The following HYDIN variants were observed in gnomAD, a reference collection of about 807,000 sequenced individuals.
The protein encoded by HYDIN is axonemal central pair apparatus protein HYDIN.
In HYDIN, 132 loss-of-function variants were observed where a neutral mutation model predicts 403.9. The observed-to-expected ratio is 0.33, with a 90% CI of 0.28 to 0.38. The LOEUF is 0.38. Ranked by LOEUF, HYDIN falls within the 10% of genes least tolerant of loss-of-function variation. HYDIN has a pLI of 1.00. For synonymous variants in HYDIN, 1,202 were observed against 1,891.7 expected (o/e 0.64, Z 9.46); for missense variants, 2,827 against 5,009.5 (o/e 0.56, Z 13.15).
intron 18 of HYDIN, among the ~76,000 whole-genome samples, chr16:71,047,442 G>T (rs1383430816): frequency 6.6e-6 from 1 of 151,930 alleles, no homozygotes; most frequent in African/African-American, 2.4e-5. Flanking sequence ...AGGTGGGGTT[G>T]GGGGTGGGGG....
intron 62 of HYDIN, among the ~76,000 whole-genome samples, chr16:70,875,290 C>A (rs369728588): frequency 0.016 from 2,484 of 151,590 alleles, 52 homozygotes; most frequent in African/African-American, 0.057. Flanking sequence ...TCTATAAGGG[C>A]CTGCATTGAT....
At chr16:70,960,075 A>G (rs1194164484) in intron 38 of HYDIN, among the ~76,000 whole-genome samples, 1 of 152,122 alleles carries the variant, frequency 6.6e-6, no homozygotes, top group African/African-American at 2.4e-5. Context: ...TCTTGCTGAA[A>G]AGTAGAAAGG....
At chr16:71,139,055 C>T (rs1479937694) in intron 7 of HYDIN, among the ~76,000 whole-genome samples, 1 of 147,030 alleles carries the variant, frequency 6.8e-6, no homozygotes, top group Non-Finnish European at 1.5e-5. Context: ...TTGCACTCTA[C>T]CCTGGGCAAC....
intron 84 of HYDIN, among the ~76,000 whole-genome samples, chr16:70,812,989 G>A (rs1220531287): frequency 6.6e-6 from 1 of 151,556 alleles, no homozygotes; most frequent in African/African-American, 2.4e-5. Context: ...GTCTCGCTCT[G>A]TCACCCAGGC....
chr16:71,175,921 T>C (rs927008234), intron 4 of HYDIN, 180 bp from the exon 5 acceptor site: 2 of 681,758 alleles, frequency 2.9e-6, no homozygotes, highest in African/African-American at 3.6e-5. Flanking sequence ...AAGCACCCAA[T>C]ACCTTCTAGC....
chr16:71,124,261 C>T (rs1043579961), intron 9 of HYDIN, among the ~76,000 whole-genome samples: 27 of 152,246 alleles, frequency 1.8e-4, no homozygotes, highest in Admixed American at 3.3e-4. Flanking sequence ...AGGGACACAA[C>T]CTGCGGCCAC....
chr16:70,921,851 T>G (rs1168447490), intron 45 of HYDIN, among the ~76,000 whole-genome samples: 2 of 152,232 alleles, frequency 1.3e-5, no homozygotes, highest in Non-Finnish European at 2.9e-5. Context: ...TTTTAAAATA[T>G]GTATTTATTT....
chr16:70,925,016 C>G (rs183426067), intron 45 of HYDIN, among the ~76,000 whole-genome samples: 27 of 152,222 alleles, frequency 1.8e-4, no homozygotes, highest in Admixed American at 1.7e-3. Flanking sequence ...CCTGAAATAG[C>G]CCCGCCCTCC....
chr16:71,085,967 C>T (rs1364075350), intron 12 of HYDIN, among the ~76,000 whole-genome samples: 1 of 152,044 alleles, frequency 6.6e-6, no homozygotes, highest in Non-Finnish European at 1.5e-5. Flanking sequence ...CTGCCATTCT[C>T]TAACTTTTAA....
chr16:70,812,421 G>C (rs2035565759), intron 84 of HYDIN, among the ~76,000 whole-genome samples: 1 of 152,182 alleles, frequency 6.6e-6, no homozygotes, highest in Admixed American at 6.5e-5. Context: ...TCTGGGAGCT[G>C]GAGGTTGCAG....
chr16:70,934,660 A>C (rs973176358), intron 45 of HYDIN, among the ~76,000 whole-genome samples: 1 of 151,358 alleles, frequency 6.6e-6, no homozygotes, highest in Non-Finnish European at 1.5e-5. Context: ...TACTAAGCTC[A>C]AGTGATACAC....
At chr16:70,865,448 A>G (rs1178900862) in intron 67 of HYDIN, 1 of 385,804 alleles carries the variant, frequency 2.6e-6, no homozygotes, top group African/African-American at 2.1e-5. Flanking sequence ...GGCCCATGGC[A>G]TCCTTGAGTC....
chr16:71,055,178 C>T (rs2081838401), intron 18 of HYDIN, among the ~76,000 whole-genome samples: 1 of 152,294 alleles, frequency 6.6e-6, no homozygotes, highest in South Asian at 2.1e-4. Context: ...TTAGGCGGTT[C>T]ATTAGCGCAG....
intron 4 of HYDIN, among the ~76,000 whole-genome samples, chr16:71,177,188 G>C (rs1321428182): frequency 2.6e-5 from 4 of 152,176 alleles, no homozygotes; most frequent in Non-Finnish European, 5.9e-5. Flanking sequence ...AAACTCACAC[G>C]TGCCCTTTAC....
chr16:71,056,020 G>C (rs1361918346), intron 18 of HYDIN, among the ~76,000 whole-genome samples: 6 of 152,108 alleles, frequency 3.9e-5, no homozygotes, highest in African/African-American at 7.2e-5. Flanking sequence ...GCTGCTCATA[G>C]GGAGGGGAAA....
Position 71,175,617 on chromosome 16 carries a change from T to C in HYDIN, c.506A>G (p.Glu169Gly). Residue 169 changes from glutamate (E) to glycine (G), a missense_variant, in exon 5 of 86, where the codon GAG becomes GGG. Physicochemically the swap from Glu to Gly is moderately conservative, Grantham distance 98. Transcript: ENST00000393567. ...PSIFRILFTP[E>G]ENKDYAHTLT... ...CATTCCTGGTATTACCTTGTTCTCCTCTGGAGTAAAGAGGATTCGGAATAT... is the reference window on the plus strand; with the variant it reads ...CATTCCTGGTATTACCTTGTTCTCCCCTGGAGTAAAGAGGATTCGGAATAT... 1 of 1,614,162 alleles carries C rather than the reference T, an allele frequency of 6.2e-7. No individual in the cohort carries two copies. The highest frequency in any genetic ancestry group is 8.5e-7 in the Non-Finnish European group (1 of 1,179,982).
intron 75 of HYDIN, among the ~76,000 whole-genome samples, chr16:70,847,619 A>AT (rs61063363): frequency 6.6e-4 from 98 of 149,316 alleles, no homozygotes; most frequent in South Asian, 4.0e-3. Context: ...CTTGTTGATA[A>AT]TTTTTTTTTT....
chr16:71,005,622 T>G (rs540897838), intron 23 of HYDIN, among the ~76,000 whole-genome samples: 112 of 152,334 alleles, frequency 7.4e-4, no homozygotes, highest in Non-Finnish European at 7.9e-4. Context: ...TACACTTAAG[T>G]GTAGAAATTT....
chr16:70,940,649 T>G (rs1798387), intron 43 of HYDIN, among the ~76,000 whole-genome samples: 2 of 152,260 alleles, frequency 1.3e-5, no homozygotes, highest in Admixed American at 1.3e-4. Flanking sequence ...TCTGGAAAAC[T>G]AGGCAGCTGG....
Sources: gnomAD v4.1 joint callset for allele counts (sites outside exome capture counted in the v4.1 genomes callset) on GRCh38, gnomAD v4.1.1 for gene constraint, MANE v1.5 for transcripts, NCBI Gene and HGNC (gene_info 2026-07-23, HGNC 2026-07-21) for gene names.